JAZF1: variants seen among roughly 807,000 people sequenced by gnomAD.
JAZF1 encodes juxtaposed with another zinc finger protein 1.
A neutral mutation model predicts 26.4 loss-of-function variants in JAZF1; 8 were observed. The observed-to-expected ratio is 0.30, with a 90% CI of 0.18 to 0.55. The LOEUF is 0.55. JAZF1 is among the 20% of genes least tolerant of loss of function. The pLI is 0.94. For missense variants in JAZF1, 199 were observed against 322.0 expected (o/e 0.62, Z 2.92); for synonymous variants, 126 against 122.3 (o/e 1.03, Z -0.20).
intron 2 of JAZF1, among the ~76,000 whole-genome samples, chr7:27,934,974 G>C (rs1240148570): frequency 6.6e-6 from 1 of 152,062 alleles, no homozygotes; most frequent in Non-Finnish European, 1.5e-5. Context: ...CTTGTATCCA[G>C]AATATAAAAA....
intron 1 of JAZF1, among the ~76,000 whole-genome samples, chr7:28,034,469 T>TACACACACACACACACACACACAC (rs59979673): frequency 6.9e-6 from 1 of 145,290 alleles, no homozygotes; most frequent in South Asian, 2.3e-4. Flanking sequence ...AGAAAACTAA[T>TACACACACACACACACACACACAC]ACACACACAC....
At chr7:27,954,191 G>T (rs1785051784) in intron 2 of JAZF1, among the ~76,000 whole-genome samples, 1 of 152,190 alleles carries the variant, frequency 6.6e-6, no homozygotes, top group Non-Finnish European at 1.5e-5. Context: ...ATCCATCATA[G>T]CTCCTAGAGG....
chr7:27,965,724 A>G (rs1333293196), intron 2 of JAZF1, among the ~76,000 whole-genome samples: 2 of 152,206 alleles, frequency 1.3e-5, no homozygotes, highest in South Asian at 2.1e-4. Flanking sequence ...TGAAAAATGA[A>G]AGAGAAAAAC....
At chr7:28,018,763 G>A (rs1782946022) in intron 1 of JAZF1, among the ~76,000 whole-genome samples, 1 of 152,174 alleles carries the variant, frequency 6.6e-6, no homozygotes, top group Admixed American at 6.5e-5. Flanking sequence ...GTTCTACTGT[G>A]TTCTGGTGGT....
At chr7:28,075,245 G>C (rs904752246) in intron 1 of JAZF1, among the ~76,000 whole-genome samples, 3 of 152,076 alleles carry the variant, frequency 2.0e-5, no homozygotes, top group African/African-American at 7.2e-5. Flanking sequence ...AGAATGTAAA[G>C]TTCTCCCTCA....
chr7:28,165,406 T>C (rs1006013117), intron 1 of JAZF1, among the ~76,000 whole-genome samples: 2 of 151,670 alleles, frequency 1.3e-5, no homozygotes, highest in Non-Finnish European at 2.9e-5. Context: ...GCTTTGAAGG[T>C]GGTAATGGGG....
At chr7:27,970,869 T>A (rs1785362403) in intron 2 of JAZF1, among the ~76,000 whole-genome samples, 1 of 152,234 alleles carries the variant, frequency 6.6e-6, no homozygotes, top group Non-Finnish European at 1.5e-5. Flanking sequence ...TCCAAAACAC[T>A]ATTTTGGGAA....
At chr7:28,089,144 G>C (rs1312248945) in intron 1 of JAZF1, among the ~76,000 whole-genome samples, 1 of 152,178 alleles carries the variant, frequency 6.6e-6, no homozygotes, top group East Asian at 1.9e-4. Flanking sequence ...GAATATTTAA[G>C]GAAACTTAAA....
Position 27,936,469 on chromosome 7 carries a change from G to C in JAZF1, c.189-41053C>G, listed in dbSNP as rs76439930. Among the ~76,000 whole-genome samples, 1,173 of 152,278 alleles carry C rather than the reference G, an allele frequency of 7.7e-3. 14 individuals carry two copies. Among genetic ancestry groups the C allele is most frequent in the African/African-American group, 0.021 (869 of 41,542 alleles). ...TTTCTTTGTGAGTGCAGTGGACATA[G>C]TGTAAATGCTACAATAAAAATGTGG... is the stretch of plus-strand genomic sequence containing the variant. On this transcript the variant is annotated intron_variant, in intron 2 of 4. Transcript: ENST00000283928.
At chr7:27,921,640 T>C (rs895770632) in intron 2 of JAZF1, among the ~76,000 whole-genome samples, 4 of 152,198 alleles carry the variant, frequency 2.6e-5, no homozygotes, top group African/African-American at 9.7e-5. Context: ...GGTAACTTCA[T>C]AATGGGTTGC....
intron 1 of JAZF1, among the ~76,000 whole-genome samples, chr7:28,052,911 T>C (rs762469000): frequency 3.9e-5 from 6 of 152,160 alleles, no homozygotes; most frequent in Non-Finnish European, 5.9e-5. Context: ...GTTATGTATG[T>C]TCATATTGTT....
At chr7:28,104,584 T>C (rs1337909206) in intron 1 of JAZF1, among the ~76,000 whole-genome samples, 2 of 152,224 alleles carry the variant, frequency 1.3e-5, no homozygotes, top group African/African-American at 4.8e-5. Context: ...ACTGTTGTAT[T>C]GAAGATATGT....
chr7:27,870,507 C>T (rs1018891306), intron 3 of JAZF1, among the ~76,000 whole-genome samples: 1 of 152,120 alleles, frequency 6.6e-6, no homozygotes, highest in Non-Finnish European at 1.5e-5. Context: ...TCAAGCTTGA[C>T]CTATATACAA....
Position 28,025,412 on chromosome 7 carries a change from G to A in JAZF1, c.116-33431C>T, listed in dbSNP as rs377199018. ...AACCACCACCATGAGAAAAAGATGT[G>A]CTTGTCCTCACAAAACATGAAAACA... On this transcript the variant is annotated intron_variant, in intron 1 of 4. Transcript: ENST00000283928. Among the ~76,000 whole-genome samples, 28 of 152,288 alleles carry A rather than the reference G, an allele frequency of 1.8e-4. No individual in the cohort carries two copies. The East Asian group carries it at 2.3e-3, about 13-fold the overall frequency.
At chr7:28,005,712 G>A (rs943700200) in intron 1 of JAZF1, among the ~76,000 whole-genome samples, 11 of 151,930 alleles carry the variant, frequency 7.2e-5, no homozygotes, top group African/African-American at 2.2e-4. Flanking sequence ...TTGCTAATGA[G>A]TAGGGGAGCA....
At chr7:28,108,911 C>A (rs548517396) in intron 1 of JAZF1, among the ~76,000 whole-genome samples, 4 of 152,206 alleles carry the variant, frequency 2.6e-5, no homozygotes, top group African/African-American at 7.2e-5. Flanking sequence ...CATGAATGAA[C>A]CTTGAGGGCA....
chr7:28,147,128 G>A (rs1783039907), intron 1 of JAZF1, among the ~76,000 whole-genome samples: 1 of 151,374 alleles, frequency 6.6e-6, no homozygotes, highest in Non-Finnish European at 1.5e-5. Flanking sequence ...TTATAGGCAT[G>A]AGCCAGTGCA....
intron 1 of JAZF1, among the ~76,000 whole-genome samples, chr7:28,098,825 G>C (rs533625782): frequency 4.5e-4 from 69 of 152,326 alleles, no homozygotes; most frequent in African/African-American, 1.6e-3. Context: ...CTGACCATCA[G>C]GAAAACACTC....
rs965092950 is a variant in JAZF1, at chr7:28,180,563, G to A, written c.15C>T (p.Ala5=). 1.3e-5 allele frequency: 21 copies of A among 1,610,138 alleles called. No homozygotes were observed. The highest frequency in any genetic ancestry group is 4.1e-5 in the African/African-American group (3 of 74,022). The change falls in exon 1 of 5, where the codon GCC becomes GCT. Residue 5 remains alanine, a synonymous_variant. Coordinates refer to ENST00000283928, the MANE Select transcript of JAZF1 (RefSeq NM_175061.4). ...AGGTATTGGAGAAGAAGGAGGCGGC[G>A]GCGATGCCTGTCATGGTGCTACATC... MTGI[A]AASFFSNTCR...
Sources: gnomAD v4.1 joint callset for allele counts (sites outside exome capture counted in the v4.1 genomes callset) on GRCh38, gnomAD v4.1.1 for gene constraint, MANE v1.5 for transcripts, NCBI Gene and HGNC (gene_info 2026-07-23, HGNC 2026-07-21) for gene names.